Variants in BMPER observed in about 807,000 individuals in gnomAD.
BMPER encodes the protein BMP binding endothelial regulator.
In BMPER, 45 loss-of-function variants were observed where a neutral mutation model predicts 87.3. The observed-to-expected ratio is 0.52, with a 90% confidence interval of 0.41 to 0.66. BMPER has a LOEUF of 0.66. BMPER is among the 30% of genes least tolerant of loss of function. The pLI, the probability that BMPER is intolerant of heterozygous loss-of-function variation, is 0.00. For missense variants in BMPER, 784 were observed against 867.5 expected (o/e 0.90, Z 1.21); for synonymous variants, 326 against 316.2 (o/e 1.03, Z -0.33).
intron 2 of BMPER, among the ~76,000 whole-genome samples, chr7:33,923,174 A>G (rs1331380524): frequency 6.6e-6 from 1 of 152,182 alleles, no homozygotes; most frequent in Non-Finnish European, 1.5e-5. Flanking sequence ...GGCATGAGAC[A>G]TTATAAGAGG....
At chr7:34,007,743 C>G (rs1284249472) in intron 6 of BMPER, among the ~76,000 whole-genome samples, 2 of 151,736 alleles carry the variant, frequency 1.3e-5, no homozygotes, top group Non-Finnish European at 2.9e-5. Context: ...CTAATTTTTT[C>G]TATTATAAAC....
chr7:34,058,237 A>G (rs1788336262), intron 10 of BMPER, 74 bp downstream of exon 10: 1 of 1,389,958 alleles, frequency 7.2e-7, no homozygotes, highest in Non-Finnish European at 1.0e-6. Context: ...GTCGCATGCC[A>G]TCTTCCGAAC....
At chr7:34,036,032 TGG>T (rs1433822440) in intron 6 of BMPER, among the ~76,000 whole-genome samples, 1 of 152,172 alleles carries the variant, frequency 6.6e-6, no homozygotes, top group Non-Finnish European at 1.5e-5. Context: ...GTAGATAGCC[TGG>T]GGAACATGAA....
intron 6 of BMPER, among the ~76,000 whole-genome samples, chr7:34,023,836 A>T (rs962051109): frequency 6.6e-6 from 1 of 152,052 alleles, no homozygotes; most frequent in African/African-American, 2.4e-5. Context: ...CCATTTTATT[A>T]AGAGGGAAGT....
At chr7:34,033,193 T>A (rs1473431985) in intron 6 of BMPER, among the ~76,000 whole-genome samples, 1 of 152,116 alleles carries the variant, frequency 6.6e-6, no homozygotes, top group East Asian at 1.9e-4. Context: ...AGGTAGCTAC[T>A]TATAACAAAA....
chr7:33,926,289 G>A (rs1275034730), intron 2 of BMPER, among the ~76,000 whole-genome samples: 2 of 152,128 alleles, frequency 1.3e-5, no homozygotes, highest in Non-Finnish European at 2.9e-5. Flanking sequence ...CATGCCACAT[G>A]TTTCTAATAG....
At chr7:33,981,242 C>T (rs1378462678) in intron 6 of BMPER, among the ~76,000 whole-genome samples, 1 of 152,208 alleles carries the variant, frequency 6.6e-6, no homozygotes, top group Non-Finnish European at 1.5e-5. Flanking sequence ...TTGAAATCTG[C>T]TGTTCCACAT....
intron 13 of BMPER, among the ~76,000 whole-genome samples, chr7:34,121,998 C>G (rs111860956): frequency 3.0e-4 from 46 of 151,522 alleles, no homozygotes; most frequent in African/African-American, 1.1e-3. Flanking sequence ...TGGTACATGC[C>G]TGTGGTCCCA....
At chr7:34,094,989 C>CA in intron 13 of BMPER, among the ~76,000 whole-genome samples, 1 of 152,168 alleles carries the variant, frequency 6.6e-6, no homozygotes, top group Non-Finnish European at 1.5e-5. Flanking sequence ...AACTTCTTCC[C>CA]ATTCTGTGCA....
intron 6 of BMPER, among the ~76,000 whole-genome samples, chr7:33,989,898 T>C (rs1307199121): frequency 6.6e-6 from 1 of 152,208 alleles, no homozygotes; most frequent in Non-Finnish European, 1.5e-5. Flanking sequence ...CTTGTTTTTC[T>C]CAGGTTTGTC....
At chr7:34,081,121 T>G (rs1489193901) in intron 12 of BMPER, among the ~76,000 whole-genome samples, 1 of 152,216 alleles carries the variant, frequency 6.6e-6, no homozygotes, top group Non-Finnish European at 1.5e-5. Flanking sequence ...AGAATTCTAT[T>G]CCTCTGGGCA....
chr7:33,977,483 G>A (rs940558288), intron 6 of BMPER, among the ~76,000 whole-genome samples: 1 of 152,142 alleles, frequency 6.6e-6, no homozygotes, highest in African/African-American at 2.4e-5. Context: ...GCCATCTTGC[G>A]TGAGAGGGCA....
intron 13 of BMPER, among the ~76,000 whole-genome samples, chr7:34,141,311 T>G (rs185103730): frequency 6.6e-6 from 1 of 152,130 alleles, no homozygotes; most frequent in East Asian, 1.9e-4. Context: ...GGAGAAGTAT[T>G]AAGAAATACA....
intron 11 of BMPER, among the ~76,000 whole-genome samples, chr7:34,075,189 G>A (rs1167097292): frequency 1.3e-5 from 2 of 152,188 alleles, no homozygotes; most frequent in African/African-American, 4.8e-5. Flanking sequence ...TTCAGAGGCA[G>A]TGTCACTCTT....
chr7:33,966,898 AG>A (rs1785419941), intron 4 of BMPER, among the ~76,000 whole-genome samples: 1 of 152,226 alleles, frequency 6.6e-6, no homozygotes, highest in Admixed American at 6.5e-5. Context: ...AATTCCTCTT[AG>A]CAGAAAGCGG....
chr7:34,073,992 A>G (rs374291557), intron 11 of BMPER, among the ~76,000 whole-genome samples: 19 of 152,198 alleles, frequency 1.2e-4, no homozygotes, highest in African/African-American at 4.6e-4. Context: ...AGAGGCCTGG[A>G]TGGTAGCACT....
Position 34,154,030 on chromosome 7 carries a change from T to C in BMPER, c.*757T>C, listed in dbSNP as rs1379817201. ...TATGTCATGTGTTGAAATTAAAGGG[T>C]GTCTGGATGCCATGTTAATTTTATT... On this transcript the variant is annotated 3_prime_UTR_variant, in exon 15 of 15. Transcript: ENST00000649409. 1.3e-5 allele frequency: 2 copies of C among 152,612 alleles called. No homozygotes were observed. Among genetic ancestry groups the C allele is most frequent in the African/African-American group, 4.8e-5 (2 of 41,434 alleles). The allele number at this position is 152,612 out of a possible 1,614,324, so 9.5% of individuals were successfully genotyped here. A position where few individuals can be genotyped will look rare whatever the true frequency, so the allele number is the denominator to read the frequency against.
intron 3 of BMPER, among the ~76,000 whole-genome samples, chr7:33,950,236 T>A (rs1784987704): frequency 6.6e-6 from 1 of 152,116 alleles, no homozygotes; most frequent in South Asian, 2.1e-4. Context: ...AGGAGGGTGG[T>A]AGTTCTGGTC....
At chr7:33,913,211 G>C (rs1454615248) in intron 2 of BMPER, among the ~76,000 whole-genome samples, 3 of 152,222 alleles carry the variant, frequency 2.0e-5, no homozygotes, top group Admixed American at 6.5e-5. Flanking sequence ...GACACAAAGA[G>C]AGTGTGCTTG....
Sources: allele counts gnomAD v4.1 joint callset (sites outside exome capture counted in the v4.1 genomes callset), GRCh38; gene constraint gnomAD v4.1.1; transcripts MANE v1.5; gene names NCBI Gene and HGNC (gene_info 2026-07-23, HGNC 2026-07-21).